ABCC4: variants seen among roughly 807,000 people sequenced by gnomAD.
ABCC4 encodes ATP binding cassette subfamily C member 4 (PEL blood group), also known as ATP-binding cassette sub-family C member 4.
A neutral mutation model predicts 168.5 loss-of-function variants in ABCC4; 102 were observed. The ratio of observed to expected loss-of-function variants is 0.61; its 90% CI spans 0.52 to 0.71. The LOEUF is 0.71. Ranked by LOEUF, ABCC4 falls within the 30% of genes least tolerant of loss-of-function variation. ABCC4 has a pLI of 0.00. For missense variants in ABCC4, 1,402 were observed against 1,605.8 expected, an observed-to-expected ratio of 0.87 and a Z score of 2.17; for synonymous variants, 617 against 590.7, an observed-to-expected ratio of 1.04 and a Z score of -0.65.
intron 1 of ABCC4, among the ~76,000 whole-genome samples, chr13:95,276,090 C>T (rs951972185): frequency 5.3e-5 from 8 of 152,156 alleles, no homozygotes. Context: ...AGAGGGAATA[C>T]TCCATAGTGA....
At chr13:95,186,992 C>A in intron 10 of ABCC4, 100 bp from the exon 11 acceptor site, 1 of 983,490 alleles carries the variant, frequency 1.0e-6, no homozygotes, top group East Asian at 2.8e-5. Context: ...TTGAAAAACA[C>A]CATTCATTCA....
chr13:95,297,427 T>A (rs1383387616), intron 1 of ABCC4, among the ~76,000 whole-genome samples: 1 of 152,090 alleles, frequency 6.6e-6, no homozygotes, highest in Non-Finnish European at 1.5e-5. Context: ...TGAATAAAAG[T>A]CAGTAAGCCA....
At chr13:95,031,680 T>C (rs1185489854) in intron 30 of ABCC4, among the ~76,000 whole-genome samples, 1 of 152,216 alleles carries the variant, frequency 6.6e-6, no homozygotes, top group Non-Finnish European at 1.5e-5. Flanking sequence ...CAATGTCCCT[T>C]TCTATATGTA....
chr13:95,277,026 A>C (rs1218285307), intron 1 of ABCC4, among the ~76,000 whole-genome samples: 3 of 152,198 alleles, frequency 2.0e-5, no homozygotes, highest in Admixed American at 1.3e-4. Context: ...CTCAAAAATA[A>C]ATAAATACAA....
chr13:95,267,253 T>C (rs2040708683), intron 1 of ABCC4, among the ~76,000 whole-genome samples: 1 of 152,154 alleles, frequency 6.6e-6, no homozygotes, highest in Non-Finnish European at 1.5e-5. Flanking sequence ...GGGAGGCAAC[T>C]GAATCATGGA....
chr13:95,259,599 G>A (rs528899093), intron 1 of ABCC4, among the ~76,000 whole-genome samples: 55 of 152,070 alleles, frequency 3.6e-4, no homozygotes, highest in Non-Finnish European at 7.2e-4. Flanking sequence ...GCATTGCCAG[G>A]GTGGCAAAAT....
At chr13:95,261,838 C>G (rs1346375118) in intron 1 of ABCC4, among the ~76,000 whole-genome samples, 1 of 151,896 alleles carries the variant, frequency 6.6e-6, no homozygotes, top group Non-Finnish European at 1.5e-5. Context: ...TGGCTCATGC[C>G]TATAATACCA....
intron 9 of ABCC4, among the ~76,000 whole-genome samples, chr13:95,189,202 C>CCGCT (rs2038173525): frequency 6.8e-6 from 1 of 146,028 alleles, no homozygotes; most frequent in African/African-American, 2.5e-5. Flanking sequence ...GGCGCGATCT[C>CCGCT]CGCTCACTGC....
intron 20 of ABCC4, among the ~76,000 whole-genome samples, chr13:95,094,568 T>C (rs1451584436): frequency 1.3e-5 from 2 of 152,190 alleles, no homozygotes; most frequent in Non-Finnish European, 1.5e-5. Flanking sequence ...ATAAAAATTC[T>C]AGAAGATAAC....
chr13:95,195,844 G>A (rs1237739576), intron 8 of ABCC4, among the ~76,000 whole-genome samples: 6 of 152,034 alleles, frequency 3.9e-5, no homozygotes, highest in Admixed American at 3.9e-4. Flanking sequence ...ATGTTAGCCA[G>A]GCTGGTCTCG....
Position 95,025,506 on chromosome 13 carries a change from C to T in ABCC4, c.3871-3824G>A, listed in dbSNP as rs1372841634. On this transcript the variant is annotated intron_variant, in intron 30 of 30. Transcript: ENST00000645237. ...TACACACTCACATCCCTCCCTGCAT[C>T]CCCCCCACCACACACGCAGCCTCTC... 2.3e-5 allele frequency among the ~76,000 whole-genome samples: 3 copies of T among 129,346 alleles called. No homozygotes were observed. In the Admixed American group the frequency reaches 2.3e-4, roughly 10 times the overall value. 84.9% of individuals were successfully genotyped at this position (129,346 alleles called of 152,430 possible). A position where few individuals can be genotyped will look rare whatever the true frequency, so the allele number is the denominator to read the frequency against.
At chr13:95,243,131 CTT>C (rs1396864562) in intron 3 of ABCC4, among the ~76,000 whole-genome samples, 2 of 152,344 alleles carry the variant, frequency 1.3e-5, no homozygotes, top group East Asian at 3.9e-4. Flanking sequence ...CCAGGCTCCA[CTT>C]TATATGAGAG....
intron 3 of ABCC4, among the ~76,000 whole-genome samples, chr13:95,235,842 T>A (rs190344703): frequency 2.9e-4 from 44 of 151,884 alleles, no homozygotes; most frequent in African/African-American, 8.0e-4. Context: ...TAGTGTGGAG[T>A]CAAAAATTAA....
chr13:95,034,312 CAG>C (rs941156927), intron 30 of ABCC4, among the ~76,000 whole-genome samples: 7 of 152,208 alleles, frequency 4.6e-5, no homozygotes, highest in African/African-American at 1.7e-4. Flanking sequence ...TCTGAACCCA[CAG>C]AGTCTAAATG....
At chr13:95,136,451 G>A (rs910543115) in intron 19 of ABCC4, among the ~76,000 whole-genome samples, 11 of 152,092 alleles carry the variant, frequency 7.2e-5, no homozygotes, top group African/African-American at 1.9e-4. Flanking sequence ...CACCGTACCC[G>A]GCCAGATCTC....
chr13:95,036,820 A>C (rs889261628), intron 29 of ABCC4, among the ~76,000 whole-genome samples: 3 of 152,178 alleles, frequency 2.0e-5, no homozygotes. Flanking sequence ...TCAGTGGCTC[A>C]CGCCTATAAT....
intron 8 of ABCC4, among the ~76,000 whole-genome samples, chr13:95,206,238 C>T (rs1217562660): frequency 6.6e-6 from 1 of 152,140 alleles, no homozygotes; most frequent in African/African-American, 2.4e-5. Context: ...TTTGCTTTTC[C>T]TGCTTTTAGA....
chr13:95,091,380 T>A (rs971346032), intron 20 of ABCC4, among the ~76,000 whole-genome samples: 4 of 152,142 alleles, frequency 2.6e-5, no homozygotes, highest in Non-Finnish European at 5.9e-5. Flanking sequence ...GAAAGAATCT[T>A]AAGAGCTGTG....
At chr13:95,167,695 GA>G (rs1364570839) in intron 14 of ABCC4, among the ~76,000 whole-genome samples, 1 of 152,136 alleles carries the variant, frequency 6.6e-6, no homozygotes, top group Non-Finnish European at 1.5e-5. Flanking sequence ...GACACACAAG[GA>G]AACTCCTACT....
Sources: gnomAD v4.1 joint callset for allele counts (sites outside exome capture counted in the v4.1 genomes callset) on GRCh38, gnomAD v4.1.1 for gene constraint, MANE v1.5 for transcripts, NCBI Gene and HGNC (gene_info 2026-07-23, HGNC 2026-07-21) for gene names.